Variants in RIC1 observed in about 807,000 individuals in gnomAD.
The protein encoded by RIC1 is guanine nucleotide exchange factor subunit RIC1.
A neutral mutation model predicts 169.0 loss-of-function variants in RIC1; 88 were observed. The ratio of observed to expected loss-of-function variants is 0.52; its 90% CI spans 0.44 to 0.62. RIC1 has a LOEUF of 0.62. Ranked by LOEUF, RIC1 falls within the 20% of genes least tolerant of loss-of-function variation. The probability of loss-of-function intolerance (pLI) is 0.00; values close to 1 mark genes in which losing one functional copy is unlikely to be tolerated. For missense variants in RIC1, 1,877 were observed against 1,725.5 expected (o/e 1.09, Z -1.56); for synonymous variants, 790 against 601.5 (o/e 1.31, Z -4.59).
intron 1 of RIC1, among the ~76,000 whole-genome samples, chr9:5,631,614 G>C (rs1294108100): frequency 6.7e-6 from 1 of 149,496 alleles, no homozygotes; most frequent in Non-Finnish European, 1.5e-5. Flanking sequence ...TTGAACCCAA[G>C]AGGCAGAGGT....
intron 4 of RIC1, among the ~76,000 whole-genome samples, chr9:5,715,748 G>A (rs963870331): frequency 1.3e-5 from 2 of 152,058 alleles, no homozygotes; most frequent in Non-Finnish European, 2.9e-5. Flanking sequence ...GATAGAGAAT[G>A]TTTAGAAGGT....
Position 5,725,342 on chromosome 9 carries a change from C to G in RIC1, c.720+4592C>G, listed in dbSNP as rs181909786. 2.9e-4 allele frequency among the ~76,000 whole-genome samples: 44 copies of G among 152,250 alleles called. 1 individual carries two copies. Among genetic ancestry groups the G allele is most frequent in the South Asian group, 1.9e-3 (9 of 4,816 alleles). On this transcript the variant is annotated intron_variant, in intron 6 of 25. Coordinates refer to ENST00000414202, the MANE Select transcript of RIC1 (RefSeq NM_020829.4). ...TCTTCTAGAGTTTCTAGTTTATTTG[C>G]TTAGAGGTGTTTATAGTATTCTCTG...
rs567865173 is a variant in RIC1 at position 5,754,220 on chromosome 9, T to C, written c.1602+574T>C. Among the ~76,000 whole-genome samples the C allele has an allele frequency of 2.6e-5, 4 of 152,262 alleles. No individual in the cohort carries two copies. In the South Asian group the frequency reaches 8.3e-4, roughly 32 times the overall value. Reference sequence around the variant, plus strand: ...TGTAAACACACACACACACACAAACTAGGATTCAGTTACTCATCTGATAAG... The same window carrying C: ...TGTAAACACACACACACACACAAACCAGGATTCAGTTACTCATCTGATAAG... On this transcript the variant is annotated intron_variant, in intron 14 of 25. Transcript: ENST00000414202.
Position 5,684,153 on chromosome 9 carries a change from G to A in RIC1, c.253-5806G>A, listed in dbSNP as rs377480637. On this transcript the variant is annotated intron_variant, in intron 2 of 25. Coordinates refer to ENST00000414202, the MANE Select transcript of RIC1 (RefSeq NM_020829.4). ...GCACAGTGCGCTGCACCCACTGTCC[G>A]GCACACCCCGGTGAGATGAACCCGG... 9.2e-5 allele frequency among the ~76,000 whole-genome samples: 14 copies of A among 151,576 alleles called. No homozygotes were observed. The South Asian group carries it at 1.2e-3, about 13-fold the overall frequency.
rs1042271104 is a variant in RIC1 at position 5,764,526 on chromosome 9, G to C, written c.2841+658G>C. On this transcript the variant is annotated intron_variant, in intron 19 of 25. Transcript: ENST00000414202. ...AGGCTACACTTAAAGATTCTTTCCA[G>C]TTACTGCAAAGTTGTTTCCATTGAT... Among the ~76,000 whole-genome samples, 5 of 152,300 alleles carry C rather than the reference G, an allele frequency of 3.3e-5. No homozygotes were observed. The South Asian group carries it at 1.0e-3, about 32-fold the overall frequency.
intron 21 of RIC1, among the ~76,000 whole-genome samples, chr9:5,767,433 C>G (rs1169499931): frequency 6.6e-6 from 1 of 150,478 alleles, no homozygotes; most frequent in African/African-American, 2.4e-5. Context: ...GTTGTTGTCT[C>G]ATTTTTTTCC....
At position 5,717,527 on chromosome 9, in the gene RIC1, G is replaced by A. The variant is rs188425510; in HGVS notation, c.441-2655G>A. Among the ~76,000 whole-genome samples the A allele has an allele frequency of 7.9e-5, 12 of 152,218 alleles. No individual in the cohort carries two copies. The East Asian group carries it at 2.1e-3, about 27-fold the overall frequency. On this transcript the variant is annotated intron_variant, in intron 4 of 25. Coordinates refer to ENST00000414202, the MANE Select transcript of RIC1 (RefSeq NM_020829.4). Reference sequence around the variant, plus strand: ...CGGGAGAACAGACTTCAGAAAATGGGGTCAGTGTTCCAAAGTTAAAAGTTC... The same window carrying A: ...CGGGAGAACAGACTTCAGAAAATGGAGTCAGTGTTCCAAAGTTAAAAGTTC...
intron 1 of RIC1, among the ~76,000 whole-genome samples, chr9:5,654,547 T>A (rs1445817937): frequency 6.6e-6 from 1 of 151,266 alleles, no homozygotes; most frequent in East Asian, 2.0e-4. Context: ...TGTGCCCAGC[T>A]TTGTTTTTGT....
chr9:5,718,876 G>C (rs1173058349), intron 4 of RIC1: 1 of 152,120 alleles, frequency 6.6e-6, no homozygotes, highest in East Asian at 1.9e-4. Context: ...GGAAAAAACA[G>C]CAAATTCTAC....
intron 1 of RIC1, among the ~76,000 whole-genome samples, chr9:5,647,258 C>G (rs1818563611): frequency 1.3e-5 from 2 of 152,058 alleles, no homozygotes; most frequent in Admixed American, 1.3e-4. Context: ...AGACGTCCAA[C>G]TTTGTTATTT....
At chr9:5,667,145 C>G (rs533077643) in intron 2 of RIC1, among the ~76,000 whole-genome samples, 1 of 151,996 alleles carries the variant, frequency 6.6e-6, no homozygotes, top group Non-Finnish European at 1.5e-5. Flanking sequence ...GGGGACATAG[C>G]ATAATGCCAT....
chr9:5,680,117 G>A (rs1228739155), intron 2 of RIC1, among the ~76,000 whole-genome samples: 1 of 152,080 alleles, frequency 6.6e-6, no homozygotes, highest in Non-Finnish European at 1.5e-5. Context: ...TTTTGTCTTT[G>A]GCTCTGTTTA....
Position 5,774,129 on chromosome 9 carries a change from C to T in RIC1, c.4155C>T (p.Ser1385=), listed in dbSNP as rs1314333473. 2.5e-6 allele frequency: 4 copies of T among 1,613,954 alleles called. No individual in the cohort carries two copies. The African/African-American group carries it at 4.0e-5, about 16-fold the overall frequency. The part of the protein sequence containing the change: ...EESRGSSSHG[S]IPQGEVGSSN... ...GCAGGGGCTCCTCCAGCCATGGAAG[C>T]ATCCCCCAGGGTGAAGTTGGAAGCA... is the stretch of plus-strand genomic sequence containing the variant. Residue 1385 remains serine (S), a synonymous_variant, in exon 26 of 26, where the codon AGC becomes AGT. Transcript: ENST00000414202.
intron 4 of RIC1, chr9:5,719,460 T>C (rs949202660): frequency 6.6e-6 from 1 of 152,216 alleles, no homozygotes; most frequent in African/African-American, 2.4e-5. Flanking sequence ...ACGGAGAATA[T>C]TTTATTCATC....
intron 12 of RIC1, among the ~76,000 whole-genome samples, chr9:5,752,051 C>T (rs979809210): frequency 2.0e-5 from 3 of 152,130 alleles, no homozygotes; most frequent in African/African-American, 7.2e-5. Flanking sequence ...CCAACATGTG[C>T]TCATGAAAAC....
In RIC1 at chr9:5,736,520, G is replaced by C. The variant is rs775659816; in HGVS notation, c.813-1930G>C. 5.9e-5 allele frequency among the ~76,000 whole-genome samples: 9 copies of C among 152,284 alleles called. 1 individual carries two copies. The South Asian group carries it at 1.4e-3, about 25-fold the overall frequency. On this transcript the variant is annotated intron_variant, in intron 7 of 25. Coordinates refer to ENST00000414202, the MANE Select transcript of RIC1 (RefSeq NM_020829.4). The stretch of plus-strand genomic sequence containing the variant: ...ATTGGGGAGATACATCCTGAGCTGA[G>C]ATAAGCACATGGAAATCAGAGAATC...
chr9:5,641,487 C>G (rs992248484), intron 1 of RIC1, among the ~76,000 whole-genome samples: 61 of 152,260 alleles, frequency 4.0e-4, no homozygotes, highest in African/African-American at 1.4e-3. Context: ...GGGAAGTTCT[C>G]TCTTATCCCT....
chr9:5,715,783 T>A (rs1823197632), intron 4 of RIC1, among the ~76,000 whole-genome samples: 1 of 151,188 alleles, frequency 6.6e-6, no homozygotes, highest in Non-Finnish European at 1.5e-5. Flanking sequence ...AATGAGAGTT[T>A]CCCCTCCCCT....
chr9:5,725,211 A>G (rs1488487649), intron 6 of RIC1, among the ~76,000 whole-genome samples: 1 of 152,120 alleles, frequency 6.6e-6, no homozygotes, highest in East Asian at 1.9e-4. Context: ...TTAGTAGGCT[A>G]TTAATTATTG....
Sources: gnomAD v4.1 joint callset for allele counts (sites outside exome capture counted in the v4.1 genomes callset) on GRCh38, gnomAD v4.1.1 for gene constraint, MANE v1.5 for transcripts, NCBI Gene and HGNC (gene_info 2026-07-23, HGNC 2026-07-21) for gene names.